RPA1: variants seen among roughly 807,000 people sequenced by gnomAD.
RPA1 encodes replication protein A 70 kDa DNA-binding subunit.
Under a neutral mutation model 83.0 loss-of-function variants are expected in RPA1, and 49 were observed. The ratio of observed to expected loss-of-function variants is 0.59; its 90% CI spans 0.47 to 0.75. The LOEUF is 0.75. RPA1 is among the 30% of genes least tolerant of loss of function. The probability of loss-of-function intolerance (pLI) is 0.00; values close to 1 mark genes in which losing one functional copy is unlikely to be tolerated. For missense variants in RPA1, 693 were observed against 776.1 expected (o/e 0.89, Z 1.27); for synonymous variants, 279 against 281.8 (o/e 0.99, Z 0.10).
intron 1 of RPA1, among the ~76,000 whole-genome samples, chr17:1,839,788 G>GTTTTTT (rs71150821): frequency 3.9e-4 from 27 of 68,972 alleles, no homozygotes; most frequent in African/African-American, 1.3e-3. Context: ...CGCCCAGCTA[G>GTTTTTT]TTTTTTTTTT....
intron 5 of RPA1, chr17:1,858,352 G>T (rs902779262): frequency 6.2e-7 from 1 of 1,607,200 alleles, no homozygotes; most frequent in Non-Finnish European, 8.5e-7. Context: ...GATGGACATC[G>T]CCATGGGAAG....
chr17:1,856,993 CG>C (rs1444351877), intron 5 of RPA1, among the ~76,000 whole-genome samples: 1 of 151,796 alleles, frequency 6.6e-6, no homozygotes, highest in African/African-American at 2.4e-5. Flanking sequence ...CTACTTACTT[CG>C]GGTTTTGTAT....
At position 1,846,570 on chromosome 17, in the gene RPA1, T is replaced by C. The variant is rs1912265926; in HGVS notation, c.272+1884T>C. On this transcript the variant is annotated intron_variant, in intron 4 of 16. Transcript: ENST00000254719. ...CTCCTGACCTCGTGATCCACCTGCC[T>C]CAGCCTCCCAAAGTGCTGGGATTAC... Among the ~76,000 whole-genome samples the C allele has an allele frequency of 1.3e-5, 2 of 152,152 alleles. 1 individual carries two copies. Among genetic ancestry groups the C allele is most frequent in the South Asian group, 4.1e-4 (2 of 4,828 alleles).
At chr17:1,855,359 G>T (rs973003028) in intron 5 of RPA1, among the ~76,000 whole-genome samples, 4 of 96,810 alleles carry the variant, frequency 4.1e-5, no homozygotes, top group Admixed American at 2.3e-4. Flanking sequence ...GTGTGTGTGT[G>T]TGTGTGTTTA....
chr17:1,831,786 A>C (rs1245926537), intron 1 of RPA1, among the ~76,000 whole-genome samples: 6 of 150,820 alleles, frequency 4.0e-5, no homozygotes, highest in Non-Finnish European at 8.8e-5. Context: ...TTTTTAGTAG[A>C]GACGGGGTTT....
chr17:1,848,121 T>A (rs1028755693), intron 4 of RPA1, among the ~76,000 whole-genome samples: 2 of 152,346 alleles, frequency 1.3e-5, no homozygotes, highest in East Asian at 3.9e-4. Context: ...ATGGTTTCTT[T>A]TGCTGATGAC....
At position 1,858,220 on chromosome 17, in the gene RPA1, G is replaced by A. The variant is rs537044152; in HGVS notation, c.361+5031G>A. 11 of 1,613,914 alleles carry A rather than the reference G, an allele frequency of 6.8e-6. No individual in the cohort carries two copies. The Admixed American group carries it at 8.3e-5, about 12-fold the overall frequency. ...AAACTTAGCTGTGTGGATCAGTGCT[G>A]GCCCCAGACACAGGGACTTCACAAG... On this transcript the variant is annotated intron_variant, in intron 5 of 16. Coordinates refer to ENST00000254719, the MANE Select transcript of RPA1 (RefSeq NM_002945.5).
intron 14 of RPA1, chr17:1,891,503 T>TCCGCCTCCCGGGTTCAAGTGATTCTC (rs17339173): frequency 0.32 from 53,015 of 164,602 alleles, 11,455 homozygotes; most frequent in Non-Finnish European, 0.48. Flanking sequence ...CGCTGCAACC[T>TCCGCCTCCCGGGTTCAAGTGATTCTC]CCGCCTCCCG....
At chr17:1,874,140 G>A (rs544083955) in intron 6 of RPA1, among the ~76,000 whole-genome samples, 126 of 149,994 alleles carry the variant, frequency 8.4e-4, no homozygotes, top group African/African-American at 3.0e-3. Flanking sequence ...CAAATAGTAC[G>A]TTATTCCTCT....
At chr17:1,896,594 A>G (rs1440708948) in intron 16 of RPA1, among the ~76,000 whole-genome samples, 1 of 152,148 alleles carries the variant, frequency 6.6e-6, no homozygotes, top group East Asian at 1.9e-4. Flanking sequence ...GGTGAAGTGA[A>G]GAGAGGCTGC....
chr17:1,836,459 C>T (rs1292364133), intron 1 of RPA1, among the ~76,000 whole-genome samples: 4 of 152,000 alleles, frequency 2.6e-5, no homozygotes, highest in African/African-American at 7.3e-5. Flanking sequence ...GACAAATGTG[C>T]GCACCCCTGT....
chr17:1,858,305 C>A (rs1404084863), intron 5 of RPA1: 6 of 1,610,208 alleles, frequency 3.7e-6, no homozygotes, highest in African/African-American at 2.7e-5. Context: ...AAAAGAGAGA[C>A]CCCTGCACTC....
chr17:1,853,565 C>G (rs1912579107), intron 5 of RPA1, among the ~76,000 whole-genome samples: 1 of 152,178 alleles, frequency 6.6e-6, no homozygotes, highest in African/African-American at 2.4e-5. Flanking sequence ...CGCCTGTAAT[C>G]CTAGCTACTC....
At chr17:1,879,179 G>T (rs775761581) in intron 9 of RPA1, 36 bp from the exon 10 acceptor site, 15 of 1,609,712 alleles carry the variant, frequency 9.3e-6, no homozygotes, top group Non-Finnish European at 1.3e-5. Flanking sequence ...CGATTTGATG[G>T]TAGTCTCAGG....
chr17:1,848,749 A>T (rs1318586256), intron 4 of RPA1, among the ~76,000 whole-genome samples: 2 of 151,978 alleles, frequency 1.3e-5, no homozygotes, highest in African/African-American at 4.8e-5. Flanking sequence ...TATTTTTAGT[A>T]GAGACGGGGT....
intron 5 of RPA1, chr17:1,858,401 C>T (rs1460180879): frequency 2.1e-5 from 33 of 1,590,076 alleles, no homozygotes. Flanking sequence ...CTAAAGTGGG[C>T]TCGGAGGCAA....
Position 1,880,659 on chromosome 17 carries a change from T to G in RPA1, c.1209T>G (p.Pro403=). 1 of 1,613,942 alleles carries G rather than the reference T, an allele frequency of 6.2e-7. No individual in the cohort carries two copies. The highest frequency in any genetic ancestry group is 8.5e-7 in the Non-Finnish European group (1 of 1,180,018). The change falls in exon 12 of 17, where the codon CCT becomes CCG. Residue 403 remains proline (P), a synonymous_variant. Coordinates refer to ENST00000254719, the MANE Select transcript of RPA1 (RefSeq NM_002945.5). The part of the protein sequence containing the change: ...VLSSSTIIAN[P]DIPEAYKLRG... The stretch of plus-strand genomic sequence containing the variant: ...CTTCAAGCACTATCATTGCGAATCC[T>G]GACATCCCAGAGGCCTATAAGCTTC...
chr17:1,859,681 A>G (rs145660225), intron 5 of RPA1, among the ~76,000 whole-genome samples: 6 of 152,214 alleles, frequency 3.9e-5, no homozygotes, highest in Non-Finnish European at 8.8e-5. Flanking sequence ...CCCAGGCTGG[A>G]GTACAGTGGT....
chr17:1,849,325 CTCTG>C (rs1384628099), intron 4 of RPA1, among the ~76,000 whole-genome samples: 1 of 133,420 alleles, frequency 7.5e-6, no homozygotes, highest in Non-Finnish European at 1.5e-5. Flanking sequence ...CGGAGTCTCG[CTCTG>C]TCTCTCAGGC....
Sources: allele counts gnomAD v4.1 joint callset (sites outside exome capture counted in the v4.1 genomes callset), GRCh38; gene constraint gnomAD v4.1.1; transcripts MANE v1.5; gene names NCBI Gene and HGNC (gene_info 2026-07-23, HGNC 2026-07-21).